The following IGSF10 variants were observed in gnomAD, a reference collection of about 807,000 sequenced individuals.
IGSF10 encodes the protein calvaria mechanical force protein 608.
Under a neutral mutation model 128.2 loss-of-function variants are expected in IGSF10, and 126 were observed. That is an observed-to-expected ratio of 0.98 (90% CI 0.85 to 1.14). The LOEUF is 1.14. Among genes scored for constraint, IGSF10 ranks in the 50% most tolerant of loss-of-function variants. IGSF10 has a pLI of 0.00. For synonymous variants in IGSF10, 1,185 were observed against 1,146.2 expected (o/e 1.03, Z -0.68); for missense variants, 3,295 against 3,149.8 (o/e 1.05, Z -1.10).
At position 151,445,979 on chromosome 3, in the gene IGSF10, G is replaced by C; in HGVS notation, c.4002C>G (p.Thr1334=). Residue 1334 remains threonine, a synonymous_variant, in exon 6 of 8, where the codon ACC becomes ACG. Coordinates refer to ENST00000282466, the MANE Select transcript of IGSF10 (RefSeq NM_178822.5). ...TTTGTGCTCTAGATCTCTCTGTTTG[G>C]GTTTCATAAGTGATGACAGATGCAG... is the stretch of plus-strand genomic sequence containing the variant. ...TFPASVITYE[T]QTERSRAQTI... is the part of the protein sequence containing the mutation. 1 of 1,614,100 alleles carries C rather than the reference G, an allele frequency of 6.2e-7. No individual in the cohort carries two copies. Among genetic ancestry groups the C allele is most frequent in the South Asian group, 1.1e-5 (1 of 91,066 alleles).
intron 2 of IGSF10, among the ~76,000 whole-genome samples, chr3:151,459,189 T>C (rs1721941556): frequency 6.6e-6 from 1 of 152,210 alleles, no homozygotes; most frequent in South Asian, 2.1e-4. Flanking sequence ...TCTCACCACT[T>C]ATATAATCCT....
chr3:151,547,021 C>CG, the IGSF10 span, among the ~76,000 whole-genome samples: 2 of 151,984 alleles, frequency 1.3e-5, no homozygotes, highest in Non-Finnish European at 2.9e-5. Context: ...TCCACCCCCC[C>CG]CTTGGCCTCC....
At chr3:151,531,055 C>T in the IGSF10 span, among the ~76,000 whole-genome samples, 2 of 152,068 alleles carry the variant, frequency 1.3e-5, no homozygotes, top group African/African-American at 2.4e-5. Flanking sequence ...TCTGATAAAA[C>T]AGACTTTAAA....
chr3:151,443,047 C>T lies in IGSF10; in HGVS notation c.5900G>A (p.Gly1967Glu), dbSNP rs758352021. ...DKLLLNCSATGEPKPQIMWRL... is the reference protein window; with the variant it reads ...DKLLLNCSATEEPKPQIMWRL... ...CCACATTATTTGGGGTTTGGGCTCC[C>T]CAGTGGCTGAGCAGTTCAGTAGTAA... Residue 1967 changes from glycine (G) to glutamate (E), a missense_variant, in exon 7 of 8, where the codon GGG (glycine) becomes GAG (glutamate). Transcript: ENST00000282466. 17 of 1,614,184 alleles carry T rather than the reference C, an allele frequency of 1.1e-5. No homozygotes were observed. Among genetic ancestry groups the T allele is most frequent in the Non-Finnish European group, 1.4e-5 (17 of 1,180,038 alleles).
chr3:151,482,456 C>T, the IGSF10 span, among the ~76,000 whole-genome samples: 5 of 152,088 alleles, frequency 3.3e-5, no homozygotes, highest in African/African-American at 1.2e-4. Context: ...GCAGACCATA[C>T]TGATCAGAGG....
intron 5 of IGSF10, among the ~76,000 whole-genome samples, chr3:151,452,617 T>C (rs1228978676): frequency 6.6e-6 from 1 of 152,150 alleles, no homozygotes; most frequent in African/African-American, 2.4e-5. Flanking sequence ...TATGTACATA[T>C]GACAGATGTA....
At chr3:151,467,906 A>G in the IGSF10 span, among the ~76,000 whole-genome samples, 3 of 152,044 alleles carry the variant, frequency 2.0e-5, no homozygotes, top group Non-Finnish European at 4.4e-5. Flanking sequence ...AAAAGAAAAA[A>G]GAAAAAAAGA....
the IGSF10 span, among the ~76,000 whole-genome samples, chr3:151,466,691 G>T: frequency 2.0e-5 from 3 of 152,142 alleles, no homozygotes; most frequent in Non-Finnish European, 4.4e-5. Context: ...TGATTCTCCT[G>T]CCTTCGCCTC....
chr3:151,472,791 A>C, the IGSF10 span, among the ~76,000 whole-genome samples: 5 of 152,314 alleles, frequency 3.3e-5, no homozygotes, highest in South Asian at 2.1e-4. Context: ...ACTGAGGACA[A>C]TCAGACCCTC....
At position 151,447,148 on chromosome 3, in the gene IGSF10, A is replaced by G. The variant is rs2108552786; in HGVS notation, c.2833T>C (p.Leu945=). The part of the protein sequence containing the change: ...MLSSTTNKLL[L]ESVNTTNSHQ... ...CTATTTGTGGTATTTACTGACTCTA[A>G]TAATAGTTTGTTGGTGGTGCTACTA... The change falls in exon 6 of 8, where the codon TTA becomes CTA. Residue 945 remains leucine, a synonymous_variant. Transcript: ENST00000282466. The G allele has an allele frequency of 4.3e-6, 7 of 1,614,004 alleles. No homozygotes were observed. Among genetic ancestry groups the G allele is most frequent in the Non-Finnish European group, 5.9e-6 (7 of 1,180,014 alleles).
the IGSF10 span, among the ~76,000 whole-genome samples, chr3:151,573,425 A>C: frequency 6.6e-6 from 1 of 152,208 alleles, no homozygotes; most frequent in African/African-American, 2.4e-5. Flanking sequence ...CATTGGGTGC[A>C]TATATATTTA....
At chr3:151,482,016 G>C in the IGSF10 span, among the ~76,000 whole-genome samples, 1 of 151,998 alleles carries the variant, frequency 6.6e-6, no homozygotes, top group African/African-American at 2.4e-5. Flanking sequence ...CTGCCCAACC[G>C]ACACCCTCAA....
the IGSF10 span, among the ~76,000 whole-genome samples, chr3:151,587,477 C>T: frequency 6.6e-6 from 1 of 152,080 alleles, no homozygotes; most frequent in South Asian, 2.1e-4. Context: ...ACTTGCAGTA[C>T]TTGAATGAAT....
chr3:151,457,182 A>G (rs1721837324), intron 3 of IGSF10, 27 bp from the exon 4 acceptor site: 3 of 1,611,378 alleles, frequency 1.9e-6, no homozygotes, highest in Non-Finnish European at 2.5e-6. Flanking sequence ...CATTCTAGGC[A>G]TAAGCTAAGT....
the IGSF10 span, among the ~76,000 whole-genome samples, chr3:151,473,417 C>G: frequency 1.3e-5 from 2 of 152,118 alleles, no homozygotes; most frequent in Non-Finnish European, 2.9e-5. Context: ...CTTTTTCAAT[C>G]GATAACTTGA....
chr3:151,593,103 A>G, the IGSF10 span, among the ~76,000 whole-genome samples: 2 of 152,202 alleles, frequency 1.3e-5, no homozygotes, highest in African/African-American at 4.8e-5. Context: ...AACAATTAGC[A>G]TGTAAAAAAT....
rs747451729 is a variant in IGSF10, at chr3:151,443,459, A to T, written c.5488T>A (p.Ser1830Thr). The T allele has an allele frequency of 1.2e-6, 2 of 1,614,214 alleles. No individual in the cohort carries two copies. Among genetic ancestry groups the T allele is most frequent in the Non-Finnish European group, 1.7e-6 (2 of 1,180,046 alleles). Residue 1830 changes from serine to threonine, a missense_variant, in exon 7 of 8, where the codon TCA (serine) becomes ACA (threonine). Physicochemically the swap from Ser to Thr is moderately conservative, Grantham distance 58. Coordinates refer to ENST00000282466, the MANE Select transcript of IGSF10 (RefSeq NM_178822.5). ...ATGACTTGTATTTTAACCAGCAGTG[A>T]ATCCTGGCCACCTGGGTTGCTGGCC... ...CVASNPGGQDSLLVKIQVIAA... is the reference protein window; with the variant it reads ...CVASNPGGQDTLLVKIQVIAA...
At chr3:151,574,198 G>T in the IGSF10 span, among the ~76,000 whole-genome samples, 1 of 151,984 alleles carries the variant, frequency 6.6e-6, no homozygotes, top group Admixed American at 6.6e-5. Context: ...ATGTGTCTTG[G>T]GGTTGCTCTT....
At chr3:151,532,583 A>G in the IGSF10 span, among the ~76,000 whole-genome samples, 1 of 152,174 alleles carries the variant, frequency 6.6e-6, no homozygotes, top group Non-Finnish European at 1.5e-5. Context: ...AAACCACATG[A>G]TTATCTCAAT....
Sources: allele counts gnomAD v4.1 joint callset (sites outside exome capture counted in the v4.1 genomes callset), GRCh38; gene constraint gnomAD v4.1.1; transcripts MANE v1.5; gene names NCBI Gene and HGNC (gene_info 2026-07-23, HGNC 2026-07-21).